The following MAMDC2 variants were observed in gnomAD, a reference collection of about 807,000 sequenced individuals.
The protein encoded by MAMDC2 is MAM domain-containing protein 2.
A neutral mutation model predicts 89.8 loss-of-function variants in MAMDC2; 57 were observed. The ratio of observed to expected loss-of-function variants is 0.63; its 90% CI spans 0.51 to 0.79. The LOEUF (loss-of-function observed/expected upper bound fraction) is 0.79. Among genes scored for constraint, MAMDC2 ranks in the 30% least tolerant of loss-of-function variants. MAMDC2 has a pLI of 0.00. For missense variants in MAMDC2, 800 were observed against 820.6 expected, an observed-to-expected ratio of 0.97 and a Z score of 0.31; for synonymous variants, 313 against 293.4, an observed-to-expected ratio of 1.07 and a Z score of -0.68.
At chr9:70,139,437 A>G (rs1268471291) in intron 7 of MAMDC2, among the ~76,000 whole-genome samples, 1 of 151,208 alleles carries the variant, frequency 6.6e-6, no homozygotes, top group Non-Finnish European at 1.5e-5. Context: ...ATGTCCCTAC[A>G]AAGGACATGA....
intron 11 of MAMDC2, among the ~76,000 whole-genome samples, chr9:70,185,695 C>G (rs2032740773): frequency 6.6e-6 from 1 of 152,184 alleles, no homozygotes; most frequent in Non-Finnish European, 1.5e-5. Flanking sequence ...GAAAAACTGC[C>G]TACACAAGCC....
chr9:70,193,526 A>G (rs765837651), intron 11 of MAMDC2, among the ~76,000 whole-genome samples: 25 of 152,136 alleles, frequency 1.6e-4, no homozygotes, highest in Non-Finnish European at 2.4e-4. Context: ...ATCATATTAC[A>G]TTTGAAAAGG....
chr9:70,181,973 A>G (rs1348462192), intron 11 of MAMDC2, among the ~76,000 whole-genome samples: 14 of 152,116 alleles, frequency 9.2e-5, no homozygotes, highest in Non-Finnish European at 1.8e-4. Context: ...CCCATTCGGT[A>G]TGATATTGGC....
At chr9:70,130,096 A>C (rs150926170) in intron 6 of MAMDC2, among the ~76,000 whole-genome samples, 18 of 150,910 alleles carry the variant, frequency 1.2e-4, no homozygotes, top group Middle Eastern at 3.4e-3. Flanking sequence ...CCAGTCGTTT[A>C]AATTAGAGGC....
intron 11 of MAMDC2, among the ~76,000 whole-genome samples, chr9:70,192,458 T>C (rs1459205671): frequency 6.6e-6 from 1 of 152,180 alleles, no homozygotes; most frequent in African/African-American, 2.4e-5. Context: ...CTTCTGTTGA[T>C]ATGTTCTGAC....
At chr9:70,137,725 T>A (rs991641778) in intron 7 of MAMDC2, among the ~76,000 whole-genome samples, 9 of 152,158 alleles carry the variant, frequency 5.9e-5, no homozygotes, top group African/African-American at 1.7e-4. Context: ...ATTCAACACA[T>A]GTCCTCTCTC....
Position 70,168,763 on chromosome 9 carries a change from T to G in MAMDC2, c.1466T>G (p.Ile489Ser). The G allele has an allele frequency of 1.2e-6, 2 of 1,614,110 alleles. No individual in the cohort carries two copies. Among genetic ancestry groups the G allele is most frequent in the Non-Finnish European group, 1.7e-6 (2 of 1,179,984 alleles). Residue 489 changes from isoleucine to serine, a missense_variant, in exon 10 of 14, where the codon ATT (isoleucine) becomes AGT (serine). Physicochemically the swap from Ile to Ser is moderately radical, Grantham distance 142. Transcript: ENST00000377182. ...TGTGGGCTTGTAGCCCTGGATGACA[T>G]TACAATACAATTGGGAAGCTGCTCA... ...WDCGLVALDD[I>S]TIQLGSCSSS...
At position 70,186,346 on chromosome 9, in the gene MAMDC2, G is replaced by C. The variant is rs545294369; in HGVS notation, c.1651+15715G>C. Reference sequence around the variant, plus strand: ...ATTTTATTTTTGGTGCATGTCTGCTGCTGATTCTTTCAGTTTTTGTTTGTC... The same window carrying C: ...ATTTTATTTTTGGTGCATGTCTGCTCCTGATTCTTTCAGTTTTTGTTTGTC... On this transcript the variant is annotated intron_variant, in intron 11 of 13. Coordinates refer to ENST00000377182, the MANE Select transcript of MAMDC2 (RefSeq NM_153267.5). 1.4e-3 allele frequency among the ~76,000 whole-genome samples: 30 copies of C among 22,140 alleles called. 2 individuals are homozygous for C. In the South Asian group the frequency reaches 0.073, roughly 54 times the overall value. The allele number at this position is 22,140 out of a possible 152,430, so 14.5% of individuals were successfully genotyped here. A position where few individuals can be genotyped will look rare whatever the true frequency, so the allele number is the denominator to read the frequency against.
At chr9:70,072,203 C>T (rs1308293748) in intron 2 of MAMDC2, among the ~76,000 whole-genome samples, 4 of 152,044 alleles carry the variant, frequency 2.6e-5, no homozygotes, top group African/African-American at 9.7e-5. Context: ...GTTTTAAATT[C>T]TGATGTAAAG....
chr9:70,181,559 A>G (rs1241358191), intron 11 of MAMDC2, among the ~76,000 whole-genome samples: 1 of 152,032 alleles, frequency 6.6e-6, no homozygotes, highest in Non-Finnish European at 1.5e-5. Flanking sequence ...CTTTTTGAAG[A>G]GGTCCTTCAC....
At chr9:70,082,791 T>G (rs1413108533) in intron 2 of MAMDC2, 1 of 152,138 alleles carries the variant, frequency 6.6e-6, no homozygotes, top group African/African-American at 2.4e-5. Flanking sequence ...GTGTCAATCA[T>G]GGAAGTTACT....
chr9:70,066,521 AG>A (rs1164298301), intron 2 of MAMDC2, among the ~76,000 whole-genome samples: 1 of 152,052 alleles, frequency 6.6e-6, no homozygotes, highest in Non-Finnish European at 1.5e-5. Flanking sequence ...AAGGGGAGGT[AG>A]GGGGGCAGCT....
chr9:70,198,150 GTGTA>G (rs201698069), intron 11 of MAMDC2, among the ~76,000 whole-genome samples: 10,275 of 122,526 alleles, frequency 0.084, 560 homozygotes, highest in East Asian at 0.25. Context: ...AAAGCATAGT[GTGTA>G]TGTGTGTATA....
chr9:70,158,450 T>C (rs1460193577), intron 9 of MAMDC2, among the ~76,000 whole-genome samples: 1 of 151,684 alleles, frequency 6.6e-6, no homozygotes, highest in African/African-American at 2.4e-5. Flanking sequence ...TATATATACA[T>C]ATATGCATAT....
chr9:70,208,812 C>T (rs1392661553), intron 11 of MAMDC2, among the ~76,000 whole-genome samples: 2 of 152,098 alleles, frequency 1.3e-5, no homozygotes, highest in African/African-American at 2.4e-5. Context: ...CCCATCAATA[C>T]CTAGTTTATT....
At chr9:70,058,392 C>G (rs1827071186) in intron 2 of MAMDC2, among the ~76,000 whole-genome samples, 1 of 152,156 alleles carries the variant, frequency 6.6e-6, no homozygotes, top group African/African-American at 2.4e-5. Context: ...TACATCCTCT[C>G]TTGACATGGG....
intron 11 of MAMDC2, among the ~76,000 whole-genome samples, chr9:70,210,240 A>G (rs1000621341): frequency 6.6e-6 from 1 of 152,086 alleles, no homozygotes; most frequent in Non-Finnish European, 1.5e-5. Flanking sequence ...TGGGGTGTTA[A>G]AGTCTCCCAT....
chr9:70,088,029 T>C (rs756419886), intron 2 of MAMDC2, among the ~76,000 whole-genome samples: 1 of 152,168 alleles, frequency 6.6e-6, no homozygotes, highest in African/African-American at 2.4e-5. Context: ...CATCTAGAAG[T>C]CTTGACACAC....
intron 1 of MAMDC2, among the ~76,000 whole-genome samples, 155 bp downstream of exon 1, chr9:70,044,386 T>TGGGGTG (rs10600606): frequency 1.3e-4 from 19 of 151,336 alleles, no homozygotes; most frequent in Non-Finnish European, 2.2e-4. Context: ...TGGCCAAGCC[T>TGGGGTG]GGGGTGGGGG....
Sources: allele counts gnomAD v4.1 joint callset (sites outside exome capture counted in the v4.1 genomes callset), GRCh38; gene constraint gnomAD v4.1.1; transcripts MANE v1.5; gene names NCBI Gene and HGNC (gene_info 2026-07-23, HGNC 2026-07-21).